ROBO2: variants seen among roughly 807,000 people sequenced by gnomAD.
The protein encoded by ROBO2 is roundabout homolog 2.
Under a neutral mutation model 160.8 loss-of-function variants are expected in ROBO2, and 53 were observed. That is an observed-to-expected ratio of 0.33 (90% CI 0.26 to 0.41). ROBO2 has a LOEUF of 0.41. ROBO2 is among the 10% of genes least tolerant of loss of function. The probability of loss-of-function intolerance (pLI) is 1.00; values close to 1 mark genes in which losing one functional copy is unlikely to be tolerated. For missense variants in ROBO2, 1,577 were observed against 1,722.4 expected (o/e 0.92, Z 1.49); for synonymous variants, 664 against 611.7 (o/e 1.09, Z -1.26).
chr3:76,336,297 T>C (rs1307313871), intron 2 of ROBO2, among the ~76,000 whole-genome samples: 2 of 152,228 alleles, frequency 1.3e-5, no homozygotes, highest in Admixed American at 6.5e-5. Flanking sequence ...ACGGTTTCAT[T>C]CATTTTCTAT....
intron 2 of ROBO2, among the ~76,000 whole-genome samples, chr3:76,377,791 A>G (rs140298737): frequency 2.0e-5 from 3 of 152,082 alleles, no homozygotes; most frequent in African/African-American, 7.2e-5. Context: ...TTGTGTATGT[A>G]TTTTTTCTTA....
At chr3:77,021,204 AAAAG>A (rs1180563031) in intron 2 of ROBO2, among the ~76,000 whole-genome samples, 2 of 152,064 alleles carry the variant, frequency 1.3e-5, no homozygotes, top group African/African-American at 4.8e-5. Flanking sequence ...GTCTCCAAAA[AAAAG>A]AAAGAAAGAA....
At chr3:76,633,056 T>A (rs2090121098) in intron 2 of ROBO2, among the ~76,000 whole-genome samples, 1 of 152,218 alleles carries the variant, frequency 6.6e-6, no homozygotes, top group Non-Finnish European at 1.5e-5. Context: ...GTTTACAGGA[T>A]TATTGTAATT....
chr3:77,357,328 G>A (rs778402446), intron 2 of ROBO2, among the ~76,000 whole-genome samples: 5 of 152,080 alleles, frequency 3.3e-5, no homozygotes, highest in Non-Finnish European at 5.9e-5. Context: ...TATCTCATGG[G>A]AGTTAAGTTC....
Position 77,288,087 on chromosome 3 carries a change from G to T in ROBO2, c.389-189327G>T, listed in dbSNP as rs76173190. On this transcript the variant is annotated intron_variant, in intron 2 of 25. Coordinates refer to ENST00000461745, the Ensembl canonical transcript of ROBO2. ...AGTTATTGGGTTTATTGAGGAACAG[G>T]GTATTTTATGTGTGTAATGATGAAT... is the stretch of plus-strand genomic sequence containing the variant. 2.4e-3 allele frequency among the ~76,000 whole-genome samples: 365 copies of T among 152,202 alleles called. 1 individual carries two copies. Among genetic ancestry groups the T allele is most frequent in the African/African-American group, 8.5e-3 (351 of 41,530 alleles).
intron 2 of ROBO2, among the ~76,000 whole-genome samples, chr3:77,439,788 C>T (rs920247925): frequency 6.6e-6 from 1 of 152,084 alleles, no homozygotes; most frequent in African/African-American, 2.4e-5. Flanking sequence ...TTCCTTTCTC[C>T]TGTGTTCTTC....
chr3:77,568,493 G>C (rs1310925031), intron 13 of ROBO2, 59 bp downstream of exon 14: 1 of 1,593,844 alleles, frequency 6.3e-7, no homozygotes, highest in African/African-American at 1.3e-5. Flanking sequence ...AGCAAAACAT[G>C]GAAAATGCAA....
chr3:77,413,847 G>A (rs373991641), intron 2 of ROBO2, among the ~76,000 whole-genome samples: 2 of 152,152 alleles, frequency 1.3e-5, no homozygotes, highest in South Asian at 2.1e-4. Context: ...GTAAAATGTG[G>A]CAGGTCAATC....
At chr3:77,009,393 G>A (rs2061747564) in intron 2 of ROBO2, among the ~76,000 whole-genome samples, 1 of 152,026 alleles carries the variant, frequency 6.6e-6, no homozygotes, top group African/African-American at 2.4e-5. Context: ...TTAAATCCAA[G>A]TTTTTAACAA....
chr3:77,046,670 A>G (rs1427229426), intron 1 of ROBO2, among the ~76,000 whole-genome samples: 4 of 152,184 alleles, frequency 2.6e-5, no homozygotes, highest in Admixed American at 2.6e-4. Context: ...TCTGCCTATG[A>G]GAGACTGTTT....
intron 2 of ROBO2, among the ~76,000 whole-genome samples, chr3:76,331,667 G>A (rs181049019): frequency 6.7e-6 from 1 of 149,956 alleles, no homozygotes; most frequent in South Asian, 2.1e-4. Flanking sequence ...ATTTGTTATT[G>A]TTCTATTTTA....
At chr3:77,109,285 G>C (rs928250059) in intron 2 of ROBO2, among the ~76,000 whole-genome samples, 1 of 152,166 alleles carries the variant, frequency 6.6e-6, no homozygotes, top group African/African-American at 2.4e-5. Flanking sequence ...AAAAGTTCTA[G>C]AGATCTGTTA....
chr3:77,507,697 T>C (rs1037356465), intron 5 of ROBO2, among the ~76,000 whole-genome samples: 6 of 152,144 alleles, frequency 3.9e-5, no homozygotes, highest in Non-Finnish European at 7.4e-5. Context: ...AAGTATTTAA[T>C]CCAGTAAAAC....
intron 2 of ROBO2, among the ~76,000 whole-genome samples, chr3:76,937,788 A>G (rs1407433301): frequency 2.0e-5 from 3 of 152,334 alleles, no homozygotes; most frequent in Admixed American, 6.5e-5. Context: ...TGGATGTAAT[A>G]GTATTTATTT....
chr3:76,486,581 A>T (rs1407799274), intron 2 of ROBO2, among the ~76,000 whole-genome samples: 1 of 151,932 alleles, frequency 6.6e-6, no homozygotes. Flanking sequence ...GATAATGAAA[A>T]CTCATATATC....
intron 2 of ROBO2, among the ~76,000 whole-genome samples, chr3:76,913,625 T>G (rs1345590364): frequency 3.3e-5 from 5 of 152,180 alleles, no homozygotes; most frequent in African/African-American, 1.2e-4. Context: ...ATAAATAAAT[T>G]AATGCATTGT....
chr3:76,741,084 G>T (rs2108036100), intron 2 of ROBO2, among the ~76,000 whole-genome samples: 1 of 152,098 alleles, frequency 6.6e-6, no homozygotes, highest in African/African-American at 2.4e-5. Flanking sequence ...TAGTCTGTTA[G>T]TCCCTGTAGG....
rs185128177 is a variant in ROBO2 at position 76,202,840 on chromosome 3, A to G, written c.109+265238A>G. ...GGAGATGGTTGATGTCCTAGGTCACATATTCTGCCCAAAAGTCTACCAGTT... is the reference window on the plus strand; with the variant it reads ...GGAGATGGTTGATGTCCTAGGTCACGTATTCTGCCCAAAAGTCTACCAGTT... On this transcript the variant is annotated intron_variant, in intron 2 of 26. Coordinates refer to the ROBO2 transcript ENST00000487694. 3.6e-3 allele frequency among the ~76,000 whole-genome samples: 552 copies of G among 151,278 alleles called. 18 individuals are homozygous for G. Among genetic ancestry groups the G allele is most frequent in the Admixed American group, 0.033 (506 of 15,242 alleles).
chr3:76,814,862 C>T lies in ROBO2; in HGVS notation c.110-283152C>T, dbSNP rs187318682. Reference sequence around the variant, plus strand: ...AAGTAACTTGTAATAAAGGAATTCACCATTTTCTCAGCCAGGCCAGTATGT... The same window carrying T: ...AAGTAACTTGTAATAAAGGAATTCATCATTTTCTCAGCCAGGCCAGTATGT... On this transcript the variant is annotated intron_variant, in intron 2 of 26. Transcript: ENST00000487694. Among the ~76,000 whole-genome samples, 3 of 152,068 alleles carry T rather than the reference C, an allele frequency of 2.0e-5. No homozygotes were observed. The East Asian group carries it at 5.8e-4, about 29-fold the overall frequency.
Sources: allele counts gnomAD v4.1 joint callset (sites outside exome capture counted in the v4.1 genomes callset), GRCh38; gene constraint gnomAD v4.1.1; transcripts MANE v1.5; gene names NCBI Gene and HGNC (gene_info 2026-07-23, HGNC 2026-07-21).